The following LCMT2 variants were observed in gnomAD, a reference collection of about 807,000 sequenced individuals.
The protein encoded by LCMT2 is tRNA wybutosine-synthesizing protein 4.
Under a neutral mutation model 42.0 loss-of-function variants are expected in LCMT2, and 34 were observed. The ratio of observed to expected loss-of-function variants is 0.81; its 90% CI spans 0.62 to 1.08. The LOEUF is 1.08. LCMT2 is among the 50% of genes least tolerant of loss of function. LCMT2 has a pLI of 0.00. For synonymous variants in LCMT2, 445 were observed against 369.5 expected, an observed-to-expected ratio of 1.20 and a Z score of -2.34; for missense variants, 1,091 against 889.4, an observed-to-expected ratio of 1.23 and a Z score of -2.88.
Position 43,329,749 on chromosome 15 carries a change from A to G in LCMT2, c.741T>C (p.Arg247=), listed in dbSNP as rs3742969. The change falls in exon 1 of 1, where the codon CGT becomes CGC. Residue 247 remains arginine, a synonymous_variant. Coordinates refer to ENST00000305641, the MANE Select transcript of LCMT2 (RefSeq NM_014793.5). ...GCCGCTGCGCCTCCACGTCAGGAAA[A>G]CGCTCCAGGCCATGCAGGGGGGAGT... is the stretch of plus-strand genomic sequence containing the variant. ...QLNSPLHGLE[R]FPDVEAQRRR... 0.17 allele frequency: 272,281 copies of G among 1,613,366 alleles called. 35,496 individuals are homozygous for G. The highest frequency in any genetic ancestry group is 0.64 in the African/African-American group (48,002 of 74,996).
At position 43,330,523 on chromosome 15, in the gene LCMT2, C is replaced by T. The variant is rs570864538; in HGVS notation, c.-34G>A. On this transcript the variant is annotated 5_prime_UTR_variant, in exon 1 of 1. The change creates a new upstream start codon in the 5' untranslated region. Coordinates refer to ENST00000305641, the MANE Select transcript of LCMT2 (RefSeq NM_014793.5). Reference sequence around the variant, plus strand: ...GAGACTCAGGAATGGCAGTCTGTCACGGTTGTGAGCCGCCCCTTGGTTAGC... The same window carrying T: ...GAGACTCAGGAATGGCAGTCTGTCATGGTTGTGAGCCGCCCCTTGGTTAGC... 1.5e-5 allele frequency: 22 copies of T among 1,508,068 alleles called. No homozygotes were observed. The highest frequency in any genetic ancestry group is 1.9e-5 in the Non-Finnish European group (22 of 1,132,370). 93.4% of individuals were successfully genotyped at this position (1,508,068 alleles called of 1,614,324 possible).
chr15:43,326,265 A>G lies in LCMT2; in HGVS notation c.*2164T>C, dbSNP rs1208876852. 2 of 151,828 alleles carry G rather than the reference A, an allele frequency of 1.3e-5. No individual in the cohort carries two copies. The highest frequency in any genetic ancestry group is 6.6e-5 in the Admixed American group (1 of 15,246). The allele number at this position is 151,828 out of a possible 1,614,324, so 9.4% of individuals were successfully genotyped here. A position where few individuals can be genotyped will look rare whatever the true frequency, so the allele number is the denominator to read the frequency against. ...TAAACTTAGAAACAGGAAATACAGA[A>G]CAGCCATTTTCTCCTGCTGATCATA... On this transcript the variant is annotated 3_prime_UTR_variant, in exon 1 of 1. Coordinates refer to ENST00000305641, the MANE Select transcript of LCMT2 (RefSeq NM_014793.5).
rs1181752409 is a variant in LCMT2 at position 43,328,988 on chromosome 15, C to G, written c.1502G>C (p.Arg501Pro). The G allele has an allele frequency of 6.2e-7, 1 of 1,614,106 alleles. No individual in the cohort carries two copies. The highest frequency in any genetic ancestry group is 1.3e-5 in the African/African-American group (1 of 74,942). The change falls in exon 1 of 1, where the codon CGA (arginine) becomes CCA (proline). Residue 501 changes from arginine to proline, a missense_variant. Arg to Pro is a moderately radical substitution (Grantham distance 103). Coordinates refer to ENST00000305641, the MANE Select transcript of LCMT2 (RefSeq NM_014793.5). ...ACTTAGTACAGGTTCCACCACGCTTCGACCCCCATACACAAACAAATATTC... is the reference window on the plus strand; with the variant it reads ...ACTTAGTACAGGTTCCACCACGCTTGGACCCCCATACACAAACAAATATTC... Reference protein sequence around the residue: ...NQEYLFVYGGRSVVEPVLSDW... With the variant: ...NQEYLFVYGGPSVVEPVLSDW...
At position 43,328,348 on chromosome 15, in the gene LCMT2, A is replaced by G. The variant is rs1017733965; in HGVS notation, c.*81T>C. The G allele has an allele frequency of 6.4e-5, 89 of 1,384,724 alleles. No homozygotes were observed. The highest frequency in any genetic ancestry group is 1.9e-4 in the Middle Eastern group (1 of 5,192). The allele number at this position is 1,384,724 out of a possible 1,614,324, so 85.8% of individuals were successfully genotyped here. Reference sequence around the variant, plus strand: ...AAAGGATGGGGAAAGGAGGAGTGGCAGTATCTATAGCTAGAGGGTCATCCT... The same window carrying G: ...AAAGGATGGGGAAAGGAGGAGTGGCGGTATCTATAGCTAGAGGGTCATCCT... On this transcript the variant is annotated 3_prime_UTR_variant, in exon 1 of 1. Coordinates refer to ENST00000305641, the MANE Select transcript of LCMT2 (RefSeq NM_014793.5).
Position 43,329,929 on chromosome 15 carries a change from G to T in LCMT2, c.561C>A (p.Ala187=). Reference sequence around the variant, plus strand: ...GCTCGAGGTAGGTCAGCACCGCCTCGGCCAGGAGCAGAGTGGGTGAGGCTG... The same window carrying T: ...GCTCGAGGTAGGTCAGCACCGCCTCTGCCAGGAGCAGAGTGGGTGAGGCTG... ...LDAASPTLLL[A]EAVLTYLEPE... The change falls in exon 1 of 1, where the codon GCC becomes GCA. Residue 187 remains alanine (A), a synonymous_variant. Transcript: ENST00000305641. 1 of 1,612,746 alleles carries T rather than the reference G, an allele frequency of 6.2e-7. No homozygotes were observed. The highest frequency in any genetic ancestry group is 8.5e-7 in the Non-Finnish European group (1 of 1,179,808).
Position 43,328,273 on chromosome 15 carries a change from T to C in LCMT2, c.*156A>G. 1 of 765,132 alleles carries C rather than the reference T, an allele frequency of 1.3e-6. No homozygotes were observed. The highest frequency in any genetic ancestry group is 2.1e-6 in the Non-Finnish European group (1 of 482,906). The allele number at this position is 765,132 out of a possible 1,614,324, so 47.4% of individuals were successfully genotyped here. On this transcript the variant is annotated 3_prime_UTR_variant, in exon 1 of 1. Coordinates refer to ENST00000305641, the MANE Select transcript of LCMT2 (RefSeq NM_014793.5). ...AGTGATTGTTTCTAGGTATTTTACC[T>C]ATTTTACCAACCTTTTTCACTTTTT...
Position 43,330,408 on chromosome 15 carries a change from C to G in LCMT2, c.82G>C (p.Ala28Pro), listed in dbSNP as rs749847027. The G allele has an allele frequency of 1.1e-5, 17 of 1,572,346 alleles. No individual in the cohort carries two copies. The highest frequency in any genetic ancestry group is 1.5e-5 in the Non-Finnish European group (17 of 1,167,420). The change falls in exon 1 of 1, where the codon GCC (alanine) becomes CCC (proline). Residue 28 changes from alanine (A) to proline (P), a missense_variant. Ala to Pro is a conservative substitution (Grantham distance 27). Coordinates refer to ENST00000305641, the MANE Select transcript of LCMT2 (RefSeq NM_014793.5). Reference sequence around the variant, plus strand: ...GGGTCCTGCACGTACCCGCGCGCGGCCAGGGAACGCTTGCTGAGGGCGCTG... The same window carrying G: ...GGGTCCTGCACGTACCCGCGCGCGGGCAGGGAACGCTTGCTGAGGGCGCTG... Reference protein sequence around the residue: ...DSSALSKRSLAARGYVQDPFA... With the variant: ...DSSALSKRSLPARGYVQDPFA...
Position 43,330,159 on chromosome 15 carries a change from A to G in LCMT2, c.331T>C (p.Trp111Arg). Residue 111 changes from tryptophan (W) to arginine (R), a missense_variant, in exon 1 of 1, where the codon TGG (tryptophan) becomes CGG (arginine). Physicochemically the swap from Trp to Arg is moderately radical, Grantham distance 101. Transcript: ENST00000305641. ...TAGRLARAAV[W>R]EVDFPDVARR... is the part of the protein sequence containing the mutation. ...GCCACGTCCGGAAAATCCACCTCCC[A>G]GACTGCAGCCCGGGCCAGGCGGCCC... The G allele has an allele frequency of 6.2e-7, 1 of 1,611,696 alleles. No individual in the cohort carries two copies. The highest frequency in any genetic ancestry group is 8.5e-7 in the Non-Finnish European group (1 of 1,179,824).
chr15:43,328,718 G>A lies in LCMT2; in HGVS notation c.1772C>T (p.Ala591Val). The change falls in exon 1 of 1, where the codon GCT becomes GTT. Residue 591 changes from alanine (A) to valine (V), a missense_variant. Ala to Val is a moderately conservative substitution (Grantham distance 64). Transcript: ENST00000305641. The stretch of plus-strand genomic sequence containing the variant: ...TAACAGCTTTCCATTGAGCACATGA[G>A]CTGTGTGGGAGTACCTTGGGGTAAT... The part of the protein sequence containing the change: ...PPITPRYSHT[A>V]HVLNGKLLLV... 6.2e-7 allele frequency: 1 copy of A among 1,614,166 alleles called. No individual in the cohort carries two copies. The highest frequency in any genetic ancestry group is 8.5e-7 in the Non-Finnish European group (1 of 1,180,042).
Position 43,329,385 on chromosome 15 carries a change from CGTCTGG to C in LCMT2, c.1099_1104del (p.Pro367_Asp368del). The C allele has an allele frequency of 6.2e-7, 1 of 1,614,140 alleles. No homozygotes were observed. Among genetic ancestry groups the C allele is most frequent in the Non-Finnish European group, 8.5e-7 (1 of 1,180,028 alleles). Reference sequence around the variant, plus strand: ...CCAAATCCTCCTGCACTGAGAATAACGTCTGGGCTCAAGAAGACAGAGGCGTGGCCA... The same window carrying C: ...CCAAATCCTCCTGCACTGAGAATAACGCTCAAGAAGACAGAGGCGTGGCCA... On this transcript the variant is annotated inframe_deletion, in exon 1 of 1. Coordinates refer to ENST00000305641, the MANE Select transcript of LCMT2 (RefSeq NM_014793.5).
Position 43,325,234 on chromosome 15 carries a change from C to G in LCMT2, c.*3195G>C, listed in dbSNP as rs2043111657. 1 of 152,178 alleles carries G rather than the reference C, an allele frequency of 6.6e-6. No homozygotes were observed. Among genetic ancestry groups the G allele is most frequent in the East Asian group, 1.9e-4 (1 of 5,198 alleles). 9.4% of individuals were successfully genotyped at this position (152,178 alleles called of 1,614,324 possible). ...AAGTAATCCCTAAAAGAGGAAGAGA[C>G]CTGTTCATTAACTCTCATAACTACT... On this transcript the variant is annotated 3_prime_UTR_variant, in exon 1 of 1. Coordinates refer to ENST00000305641, the MANE Select transcript of LCMT2 (RefSeq NM_014793.5).
rs1454178465 is a variant in LCMT2 at position 43,327,442 on chromosome 15, T to G, written c.*987A>C. 1 of 152,150 alleles carries G rather than the reference T, an allele frequency of 6.6e-6. No individual in the cohort carries two copies. The highest frequency in any genetic ancestry group is 1.5e-5 in the Non-Finnish European group (1 of 68,034). 9.4% of individuals were successfully genotyped at this position (152,150 alleles called of 1,614,324 possible). A position where few individuals can be genotyped will look rare whatever the true frequency, so the allele number is the denominator to read the frequency against. On this transcript the variant is annotated 3_prime_UTR_variant, in exon 1 of 1. Coordinates refer to ENST00000305641, the MANE Select transcript of LCMT2 (RefSeq NM_014793.5). Reference sequence around the variant, plus strand: ...AACTCCTAGGCCTGAAAAGGTGAAGTAAAGGAACAATTACTGAAACCTGGG... The same window carrying G: ...AACTCCTAGGCCTGAAAAGGTGAAGGAAAGGAACAATTACTGAAACCTGGG...
Position 43,328,705 on chromosome 15 carries a change from A to C in LCMT2, c.1785T>G (p.Asn595Lys). Residue 595 changes from asparagine to lysine, a missense_variant, in exon 1 of 1, where the codon AAT becomes AAG. Asn to Lys is a moderately conservative substitution (Grantham distance 94). Transcript: ENST00000305641. ...TCCCTCCAACCAGTAACAGCTTTCC[A>C]TTGAGCACATGAGCTGTGTGGGAGT... Reference protein sequence around the residue: ...PRYSHTAHVLNGKLLLVGGIW... With the variant: ...PRYSHTAHVLKGKLLLVGGIW... 1 of 1,614,208 alleles carries C rather than the reference A, an allele frequency of 6.2e-7. No homozygotes were observed. Among genetic ancestry groups the C allele is most frequent in the Non-Finnish European group, 8.5e-7 (1 of 1,180,042 alleles).
chr15:43,328,417 T>C lies in LCMT2; in HGVS notation c.*12A>G, dbSNP rs772267309. On this transcript the variant is annotated 3_prime_UTR_variant, in exon 1 of 1. Transcript: ENST00000305641. ...TGTCTACTTTAGTGGGTCCTGAATA[T>C]TAGTCCAGTCCTTACTGCCCAGCAC... 1 of 1,606,808 alleles carries C rather than the reference T, an allele frequency of 6.2e-7. No individual in the cohort carries two copies. Among genetic ancestry groups the C allele is most frequent in the Non-Finnish European group, 8.5e-7 (1 of 1,176,444 alleles).
At position 43,329,497 on chromosome 15, in the gene LCMT2, G is replaced by T. The variant is rs539118934; in HGVS notation, c.993C>A (p.Arg331=). ...LVFPSSEAFP[R]VNPASPSGVF... ...CCCCTGAAGGCGAAGCAGGATTTACGCGAGGAAATGCCTCTGAGGATGGAA... is the reference window on the plus strand; with the variant it reads ...CCCCTGAAGGCGAAGCAGGATTTACTCGAGGAAATGCCTCTGAGGATGGAA... The change falls in exon 1 of 1, where the codon CGC becomes CGA. Residue 331 remains arginine, a synonymous_variant. Coordinates refer to ENST00000305641, the MANE Select transcript of LCMT2 (RefSeq NM_014793.5). The T allele has an allele frequency of 1.2e-6, 2 of 1,614,150 alleles. No homozygotes were observed. Among genetic ancestry groups the T allele is most frequent in the South Asian group, 2.2e-5 (2 of 91,084 alleles).
At position 43,327,297 on chromosome 15, in the gene LCMT2, C is replaced by T. The variant is rs746314247; in HGVS notation, c.*1132G>A. On this transcript the variant is annotated 3_prime_UTR_variant, in exon 1 of 1. Transcript: ENST00000305641. The stretch of plus-strand genomic sequence containing the variant: ...GCCAAAGCCACACATAGTTATTAAG[C>T]ACTTAAAATGTGGTCAATGTGACTA... 10 of 152,190 alleles carry T rather than the reference C, an allele frequency of 6.6e-5. No individual in the cohort carries two copies. The highest frequency in any genetic ancestry group is 1.2e-4 in the Non-Finnish European group (8 of 68,038). The allele number at this position is 152,190 out of a possible 1,614,324, so 9.4% of individuals were successfully genotyped here. A position where few individuals can be genotyped will look rare whatever the true frequency, so the allele number is the denominator to read the frequency against.
In LCMT2 at chr15:43,330,411, G is replaced by A; in HGVS notation, c.79C>T (p.Leu27=). The A allele has an allele frequency of 6.4e-7, 1 of 1,570,494 alleles. No individual in the cohort carries two copies. Among genetic ancestry groups the A allele is most frequent in the Non-Finnish European group, 8.6e-7 (1 of 1,166,462 alleles). Residue 27 remains leucine, a synonymous_variant, in exon 1 of 1, where the codon CTG becomes TTG. Coordinates refer to ENST00000305641, the MANE Select transcript of LCMT2 (RefSeq NM_014793.5). ...NDSSALSKRS[L]AARGYVQDPF... Reference sequence around the variant, plus strand: ...TCCTGCACGTACCCGCGCGCGGCCAGGGAACGCTTGCTGAGGGCGCTGCTG... The same window carrying A: ...TCCTGCACGTACCCGCGCGCGGCCAAGGAACGCTTGCTGAGGGCGCTGCTG...
chr15:43,329,310 T>A lies in LCMT2; in HGVS notation c.1180A>T (p.Arg394Ter). The A allele has an allele frequency of 6.2e-7, 1 of 1,614,134 alleles. No homozygotes were observed. Among genetic ancestry groups the A allele is most frequent in the Non-Finnish European group, 8.5e-7 (1 of 1,180,038 alleles). Residue 394 changes from arginine to a stop codon, truncating the protein, a stop_gained, in exon 1 of 1, where the codon AGA (arginine) becomes TGA (stop). Coordinates refer to ENST00000305641, the MANE Select transcript of LCMT2 (RefSeq NM_014793.5). LOFTEE classifies it high-confidence loss of function. ...CRVSQFHLLSRDCDSEWKGSQ... is the reference protein window; with the variant it reads ...CRVSQFHLLS ...CCTTTCCATTCAGAGTCACAATCTC[T>A]TGAGAGCAAGTGAAACTGGCTCACT...
Position 43,328,315 on chromosome 15 carries a change from AGGGAAAAAAAGGAT to A in LCMT2, c.*100_*113del. ...TCACTTTTTGCACTGAATAGTGCTA[AGGGAAAAAAAGGAT>A]GGGGAAAGGAGGAGTGGCAGTATCT... is the stretch of plus-strand genomic sequence containing the variant. On this transcript the variant is annotated 3_prime_UTR_variant, in exon 1 of 1. Coordinates refer to ENST00000305641, the MANE Select transcript of LCMT2 (RefSeq NM_014793.5). The A allele has an allele frequency of 1.7e-6, 2 of 1,182,488 alleles. No individual in the cohort carries two copies. The highest frequency in any genetic ancestry group is 2.4e-6 in the Non-Finnish European group (2 of 835,424). The allele number at this position is 1,182,488 out of a possible 1,614,324, so 73.2% of individuals were successfully genotyped here. A position where few individuals can be genotyped will look rare whatever the true frequency, so the allele number is the denominator to read the frequency against.
Sources: gnomAD v4.1 joint callset for allele counts on GRCh38, gnomAD v4.1.1 for gene constraint, MANE v1.5 for transcripts, NCBI Gene and HGNC (gene_info 2026-07-23, HGNC 2026-07-21) for gene names.